CSGALNACT1: variants seen among roughly 807,000 people sequenced by gnomAD.
CSGALNACT1 encodes the protein beta4GalNAcT-1.
In CSGALNACT1, 52 loss-of-function variants were observed where a neutral mutation model predicts 51.0. The ratio of observed to expected loss-of-function variants is 1.02; its 90% CI spans 0.82 to 1.29. The LOEUF is 1.29. Ranked by LOEUF, CSGALNACT1 falls within the 50% of genes most tolerant of loss-of-function variation. The probability of loss-of-function intolerance (pLI) is 0.00; values close to 1 mark genes in which losing one functional copy is unlikely to be tolerated. For synonymous variants in CSGALNACT1, 341 were observed against 254.4 expected, an observed-to-expected ratio of 1.34 and a Z score of -3.24; for missense variants, 935 against 679.2, an observed-to-expected ratio of 1.38 and a Z score of -4.19.
At chr8:19,698,087 G>A (rs903763667) in intron 1 of CSGALNACT1, among the ~76,000 whole-genome samples, 2 of 152,192 alleles carry the variant, frequency 1.3e-5, no homozygotes, top group African/African-American at 2.4e-5. Flanking sequence ...AAGAGTGAAT[G>A]GGAAGTGAGA....
At chr8:19,611,662 T>C (rs2052282068) in intron 1 of CSGALNACT1, among the ~76,000 whole-genome samples, 2 of 152,160 alleles carry the variant, frequency 1.3e-5, no homozygotes, top group African/African-American at 4.8e-5. Flanking sequence ...CTGGCCCTCT[T>C]CTTCATGAAC....
At chr8:19,541,749 T>C (rs1204512905) in intron 3 of CSGALNACT1, among the ~76,000 whole-genome samples, 2 of 151,908 alleles carry the variant, frequency 1.3e-5, no homozygotes, top group East Asian at 3.9e-4. Context: ...TTAGTTTGGC[T>C]TTTGTAAGCT....
At chr8:19,553,640 A>T (rs2958547) in intron 3 of CSGALNACT1, among the ~76,000 whole-genome samples, 16,092 of 116,464 alleles carry the variant, frequency 0.14, 1,691 homozygotes, top group Admixed American at 0.16. Flanking sequence ...TATATATATA[A>T]AAAAATATGT....
chr8:19,441,156 T>C (rs1202605865), intron 5 of CSGALNACT1, among the ~76,000 whole-genome samples: 1 of 152,292 alleles, frequency 6.6e-6, no homozygotes, highest in East Asian at 1.9e-4. Context: ...AGGTAATTTG[T>C]AGATTCAATG....
chr8:19,461,710 C>G (rs1400419680), intron 4 of CSGALNACT1, among the ~76,000 whole-genome samples: 16 of 126,688 alleles, frequency 1.3e-4, no homozygotes, highest in African/African-American at 3.1e-4. Context: ...CCGCACAGCA[C>G]ACACATTCAC....
chr8:19,567,179 G>T (rs1018936078), intron 3 of CSGALNACT1, among the ~76,000 whole-genome samples: 1 of 152,162 alleles, frequency 6.6e-6, no homozygotes, highest in Non-Finnish European at 1.5e-5. Context: ...GTAAAAAATG[G>T]CAAAACAAAA....
At chr8:19,748,292 C>A (rs1234670108) in intron 1 of CSGALNACT1, among the ~76,000 whole-genome samples, 4 of 152,148 alleles carry the variant, frequency 2.6e-5, no homozygotes, top group African/African-American at 9.7e-5. Context: ...CAGTCTAGAA[C>A]TTCAAAGATA....
intron 1 of CSGALNACT1, among the ~76,000 whole-genome samples, chr8:19,713,772 C>G (rs1382543126): frequency 6.6e-6 from 1 of 152,138 alleles, no homozygotes; most frequent in Non-Finnish European, 1.5e-5. Context: ...GACATCCAGC[C>G]TCGAGATCTG....
intron 4 of CSGALNACT1, among the ~76,000 whole-genome samples, chr8:19,464,286 G>A (rs183424929): frequency 6.6e-5 from 10 of 152,142 alleles, no homozygotes; most frequent in South Asian, 2.1e-4. Context: ...GGGCCCAGTC[G>A]GTCCCACACA....
intron 1 of CSGALNACT1, among the ~76,000 whole-genome samples, chr8:19,608,450 G>A (rs1238257800): frequency 6.6e-6 from 1 of 152,198 alleles, no homozygotes; most frequent in Admixed American, 6.5e-5. Context: ...GTATGGAACA[G>A]ACCATCTCCC....
intron 3 of CSGALNACT1, among the ~76,000 whole-genome samples, chr8:19,586,650 T>A (rs1296593597): frequency 1.3e-5 from 2 of 152,004 alleles, no homozygotes; most frequent in Non-Finnish European, 1.5e-5. Context: ...GAAGTGTAAG[T>A]CAGACTTGGA....
chr8:19,657,521 C>A (rs760672449), intron 1 of CSGALNACT1, among the ~76,000 whole-genome samples: 3 of 152,042 alleles, frequency 2.0e-5, no homozygotes, highest in Non-Finnish European at 4.4e-5. Flanking sequence ...GACAAATACA[C>A]AAATAGAATG....
intron 3 of CSGALNACT1, among the ~76,000 whole-genome samples, chr8:19,537,491 T>C (rs2084031141): frequency 6.6e-6 from 1 of 152,228 alleles, no homozygotes; most frequent in Non-Finnish European, 1.5e-5. Context: ...TATTATTCAA[T>C]ATGTACATTT....
intron 1 of CSGALNACT1, among the ~76,000 whole-genome samples, chr8:19,661,645 T>C (rs1208953264): frequency 6.6e-6 from 1 of 152,210 alleles, no homozygotes; most frequent in African/African-American, 2.4e-5. Flanking sequence ...TCTTCATTCA[T>C]GATCATCTAT....
At chr8:19,419,228 C>A (rs2057468474) in intron 7 of CSGALNACT1, among the ~76,000 whole-genome samples, 1 of 152,194 alleles carries the variant, frequency 6.6e-6, no homozygotes, top group South Asian at 2.1e-4. Context: ...ACAGTCATAT[C>A]TGCAAATATT....
Position 19,709,807 on chromosome 8 carries a change from C to T in CSGALNACT1, c.-297+48043G>A, listed in dbSNP as rs28580798. ...TCCCCCAGGTATGTCTAATGCACAGCGCAGGATGACAGGCAGGTCAGGTAA... is the reference window on the plus strand; with the variant it reads ...TCCCCCAGGTATGTCTAATGCACAGTGCAGGATGACAGGCAGGTCAGGTAA... On this transcript the variant is annotated intron_variant, in intron 1 of 1. Transcript: ENST00000517494. 5.3e-3 allele frequency among the ~76,000 whole-genome samples: 807 copies of T among 152,158 alleles called. 4 individuals carry two copies. Among genetic ancestry groups the T allele is most frequent in the African/African-American group, 0.019 (774 of 41,508 alleles).
chr8:19,723,751 G>A (rs553896686), intron 1 of CSGALNACT1, among the ~76,000 whole-genome samples: 12 of 152,254 alleles, frequency 7.9e-5, no homozygotes, highest in South Asian at 6.2e-4. Flanking sequence ...TGATGGTACC[G>A]TACATGAGAA....
At chr8:19,537,454 T>C in intron 3 of CSGALNACT1, among the ~76,000 whole-genome samples, 1 of 152,210 alleles carries the variant, frequency 6.6e-6, no homozygotes, top group East Asian at 1.9e-4. Flanking sequence ...CAATTGCTTC[T>C]TTCTCCTTTC....
At chr8:19,529,325 T>C (rs1459515765) in intron 3 of CSGALNACT1, among the ~76,000 whole-genome samples, 2 of 152,152 alleles carry the variant, frequency 1.3e-5, no homozygotes, top group African/African-American at 4.8e-5. Flanking sequence ...GAAGGGTGTG[T>C]ATCAGGGAGA....
Sources: gnomAD v4.1 joint callset for allele counts (sites outside exome capture counted in the v4.1 genomes callset) on GRCh38, gnomAD v4.1.1 for gene constraint, MANE v1.5 for transcripts, NCBI Gene and HGNC (gene_info 2026-07-23, HGNC 2026-07-21) for gene names.